The following MAMDC2 variants were observed in gnomAD, a reference collection of about 807,000 sequenced individuals.
The protein encoded by MAMDC2 is MAM domain-containing protein 2.
MAMDC2 carries 57 observed loss-of-function variants against 89.8 expected under a neutral mutation model. The observed-to-expected ratio is 0.63, with a 90% CI of 0.51 to 0.79. MAMDC2 has a LOEUF of 0.79. Ranked by LOEUF, MAMDC2 falls within the 30% of genes least tolerant of loss-of-function variation. The pLI, the probability that MAMDC2 is intolerant of heterozygous loss-of-function variation, is 0.00. For synonymous variants in MAMDC2, 313 were observed against 293.4 expected, an observed-to-expected ratio of 1.07 and a Z score of -0.68; for missense variants, 800 against 820.6, an observed-to-expected ratio of 0.97 and a Z score of 0.31.
chr9:70,210,646 A>G (rs1164940689), intron 11 of MAMDC2, among the ~76,000 whole-genome samples: 2 of 152,114 alleles, frequency 1.3e-5, no homozygotes, highest in South Asian at 2.1e-4. Context: ...TAAGGTTAAT[A>G]TTGTTATGTG....
intron 2 of MAMDC2, among the ~76,000 whole-genome samples, chr9:70,085,004 T>A (rs1827735057): frequency 6.6e-6 from 1 of 152,058 alleles, no homozygotes; most frequent in East Asian, 1.9e-4. Flanking sequence ...AGATACATAA[T>A]TTACTATATC....
chr9:70,056,897 G>C (rs376658291), intron 2 of MAMDC2, among the ~76,000 whole-genome samples: 2 of 152,114 alleles, frequency 1.3e-5, no homozygotes, highest in African/African-American at 4.8e-5. Context: ...TCTAGGTTGC[G>C]TGCTCCTTAT....
chr9:70,182,844 T>C (rs2032674120), intron 11 of MAMDC2, among the ~76,000 whole-genome samples: 1 of 152,248 alleles, frequency 6.6e-6, no homozygotes, highest in African/African-American at 2.4e-5. Flanking sequence ...TTCATGTCTC[T>C]ATCTCCTTCA....
At chr9:70,142,977 G>T (rs1362375378) in intron 8 of MAMDC2, among the ~76,000 whole-genome samples, 1 of 152,124 alleles carries the variant, frequency 6.6e-6, no homozygotes, top group African/African-American at 2.4e-5. Flanking sequence ...AATAAAGGAA[G>T]AACATAGATC....
In MAMDC2 at chr9:70,114,983, T is replaced by G. The variant is rs2029904261; in HGVS notation, c.643+1851T>G. ...AAAGATGAGAAAAAGCTAAGAGCAA[T>G]GATACAGTGGTTGTGCTACAAGGGG... On this transcript the variant is annotated intron_variant, in intron 5 of 13. Transcript: ENST00000377182. Among the ~76,000 whole-genome samples, 3 of 152,148 alleles carry G rather than the reference T, an allele frequency of 2.0e-5. No individual in the cohort carries two copies. In the South Asian group the frequency reaches 6.2e-4, roughly 32 times the overall value.
chr9:70,220,636 G>A (rs2118694008), intron 12 of MAMDC2, among the ~76,000 whole-genome samples: 1 of 152,306 alleles, frequency 6.6e-6, no homozygotes, highest in South Asian at 2.1e-4. Flanking sequence ...TTTTACAGGT[G>A]GGGAAAAGTA....
At chr9:70,178,364 T>C (rs1287619623) in intron 11 of MAMDC2, among the ~76,000 whole-genome samples, 1 of 150,436 alleles carries the variant, frequency 6.6e-6, no homozygotes, top group African/African-American at 2.4e-5. Context: ...ACTCATCCTT[T>C]AACAAGGAAC....
At chr9:70,051,982 G>T (rs1312729348) in intron 2 of MAMDC2, among the ~76,000 whole-genome samples, 1 of 152,096 alleles carries the variant, frequency 6.6e-6, no homozygotes, top group Admixed American at 6.6e-5. Context: ...GCCCTGGCTG[G>T]AAATTAAAAC....
intron 4 of MAMDC2, among the ~76,000 whole-genome samples, chr9:70,111,141 AG>A (rs1828501524): frequency 6.6e-6 from 1 of 152,306 alleles, no homozygotes; most frequent in East Asian, 1.9e-4. Context: ...TGTGAACGAC[AG>A]GGAAGTCAGA....
chr9:70,222,342 T>TAA (rs2033579913), intron 12 of MAMDC2, among the ~76,000 whole-genome samples: 1 of 152,232 alleles, frequency 6.6e-6, no homozygotes, highest in African/African-American at 2.4e-5. Flanking sequence ...CAAATGGTTG[T>TAA]AAGTAAATAA....
chr9:70,211,518 G>A (rs2033353502), intron 11 of MAMDC2, among the ~76,000 whole-genome samples: 1 of 152,106 alleles, frequency 6.6e-6, no homozygotes, highest in African/African-American at 2.4e-5. Flanking sequence ...ATTCTAGTTA[G>A]CCATTCATCT....
intron 2 of MAMDC2, among the ~76,000 whole-genome samples, chr9:70,099,980 A>AGAGAGAGAG (rs1828126304): frequency 8.7e-6 from 1 of 115,562 alleles, no homozygotes; most frequent in Non-Finnish European, 1.7e-5. Context: ...GCCAAAAAGA[A>AGAGAGAGAG]AGAGAGAGAG....
chr9:70,082,050 T>G (rs561515971), intron 2 of MAMDC2: 1 of 152,250 alleles, frequency 6.6e-6, no homozygotes, highest in African/African-American at 2.4e-5. Context: ...TCCAGTGTCA[T>G]CCACAAGATG....
chr9:70,221,356 A>AATATATACATATATATATATATATAT (rs2033551530), intron 12 of MAMDC2, among the ~76,000 whole-genome samples: 1 of 9,422 alleles, frequency 1.1e-4, no homozygotes, highest in African/African-American at 3.0e-4. Context: ...CCAAACAACA[A>AATATATACATATATATATATATATAT]ATATATATAT....
intron 10 of MAMDC2, 21 bp downstream of exon 10, chr9:70,168,816 G>A: frequency 3.2e-6 from 5 of 1,569,808 alleles, no homozygotes; most frequent in Non-Finnish European, 4.4e-6. Context: ...AATCATTTTA[G>A]CTCTCTGTCT....
chr9:70,068,355 G>A (rs1295264014), intron 2 of MAMDC2, among the ~76,000 whole-genome samples: 1 of 152,042 alleles, frequency 6.6e-6, no homozygotes, highest in African/African-American at 2.4e-5. Flanking sequence ...CCTCTGTGGG[G>A]GTAGGGAGCA....
intron 11 of MAMDC2, among the ~76,000 whole-genome samples, chr9:70,192,328 ATTAT>A (rs569518042): frequency 2.4e-4 from 37 of 152,082 alleles, no homozygotes; most frequent in Non-Finnish European, 4.4e-4. Context: ...ATTTTTCAGT[ATTAT>A]TTATTTAAGA....
chr9:70,140,165 G>A lies in MAMDC2; in HGVS notation c.1015G>A (p.Glu339Lys), dbSNP rs1463091203. 6.3e-7 allele frequency: 1 copy of A among 1,592,954 alleles called. No individual in the cohort carries two copies. The highest frequency in any genetic ancestry group is 8.5e-7 in the Non-Finnish European group (1 of 1,173,614). Residue 339 changes from glutamate (E) to lysine (K), a missense_variant, in exon 8 of 14, where the codon GAA (glutamate) becomes AAA (lysine). Physicochemically the swap from Glu to Lys is moderately conservative, Grantham distance 56. Coordinates refer to ENST00000377182, the MANE Select transcript of MAMDC2 (RefSeq NM_153267.5). The stretch of plus-strand genomic sequence containing the variant: ...CTCAGAACTTCTGTTCAGTGCCGTG[G>A]AAGCCAGCTGCAATTTTGAGCAAGA... ...NQTELLFSAV[E>K]ASCNFEQDLC... is the part of the protein sequence containing the mutation.
At chr9:70,075,348 T>C (rs1048607755) in intron 2 of MAMDC2, among the ~76,000 whole-genome samples, 17 of 152,316 alleles carry the variant, frequency 1.1e-4, no homozygotes, top group Middle Eastern at 3.4e-3. Context: ...TATAAAAACA[T>C]TGGTCATGAA....
Sources: allele counts gnomAD v4.1 joint callset (sites outside exome capture counted in the v4.1 genomes callset), GRCh38; gene constraint gnomAD v4.1.1; transcripts MANE v1.5; gene names NCBI Gene and HGNC (gene_info 2026-07-23, HGNC 2026-07-21).